Variants in SNX29 observed in about 807,000 individuals in gnomAD.
SNX29 encodes sorting nexin 29, also known as sorting nexin-29.
A neutral mutation model predicts 102.1 loss-of-function variants in SNX29; 78 were observed. That is an observed-to-expected ratio of 0.76 (90% confidence interval 0.64 to 0.92). The LOEUF is 0.92. Ranked by LOEUF, SNX29 falls within the 40% of genes least tolerant of loss-of-function variation. The pLI is 0.00. For missense variants in SNX29, 1,280 were observed against 1,061.7 expected (o/e 1.21, Z -2.86); for synonymous variants, 580 against 414.5 (o/e 1.40, Z -4.85).
At chr16:12,069,506 G>T (rs1361086304) in intron 10 of SNX29, among the ~76,000 whole-genome samples, 2 of 152,128 alleles carry the variant, frequency 1.3e-5, no homozygotes, top group African/African-American at 4.8e-5. Flanking sequence ...GACCTCAGGT[G>T]ATCTGCCCAC....
intron 2 of SNX29, 132 bp downstream of exon 2, chr16:11,999,490 C>A (rs192432830): frequency 2.3e-6 from 2 of 880,198 alleles, no homozygotes; most frequent in Admixed American, 2.6e-5. Context: ...GTGATCTACT[C>A]ATTTTTCCCA....
intron 13 of SNX29, among the ~76,000 whole-genome samples, chr16:12,196,614 T>C (rs2076779706): frequency 1.6e-5 from 2 of 121,768 alleles, no homozygotes; most frequent in Admixed American, 1.9e-4. Context: ...TTTTCTTTTT[T>C]CTTTTTTCTT....
chr16:12,008,922 A>G (rs936192254), intron 3 of SNX29, among the ~76,000 whole-genome samples: 3 of 151,588 alleles, frequency 2.0e-5, no homozygotes, highest in South Asian at 2.1e-4. Flanking sequence ...TTGTATTTTT[A>G]GTAGAGACGG....
intron 20 of SNX29, chr16:12,557,262 G>A (rs140289424): frequency 1.1e-4 from 17 of 152,448 alleles, no homozygotes; most frequent in African/African-American, 3.8e-4. Context: ...GGAAAGATAA[G>A]TGGGGAGTGC....
At chr16:12,398,969 G>C (rs1461726487) in intron 17 of SNX29, among the ~76,000 whole-genome samples, 1 of 152,174 alleles carries the variant, frequency 6.6e-6, no homozygotes, top group Non-Finnish European at 1.5e-5. Flanking sequence ...AACAACAGTA[G>C]TCCATGCCTT....
In SNX29 at chr16:12,176,249, A is replaced by G. The variant is rs75354096; in HGVS notation, c.1596-23352A>G. On this transcript the variant is annotated intron_variant, in intron 13 of 20. Transcript: ENST00000566228. ...GGTATTTTGTTATGGCAGCCCTGGC[A>G]GACTGATAGACATTAGTGATGTCTC... 6.7e-3 allele frequency among the ~76,000 whole-genome samples: 1,026 copies of G among 152,334 alleles called. 10 individuals carry two copies. The highest frequency in any genetic ancestry group is 0.024 in the African/African-American group (991 of 41,568).
intron 14 of SNX29, among the ~76,000 whole-genome samples, chr16:12,269,433 AT>A (rs2142592874): frequency 6.6e-6 from 1 of 152,326 alleles, no homozygotes; most frequent in African/African-American, 2.4e-5. Context: ...TGCTATGTAA[AT>A]TGAAGCAGTA....
At chr16:12,486,199 T>C (rs1287435903) in intron 19 of SNX29, among the ~76,000 whole-genome samples, 1 of 152,206 alleles carries the variant, frequency 6.6e-6, no homozygotes, top group East Asian at 1.9e-4. Context: ...CATTCTTCTG[T>C]TCTCAGATCT....
chr16:12,565,164 C>A (rs190108509), intron 20 of SNX29, among the ~76,000 whole-genome samples: 2 of 152,242 alleles, frequency 1.3e-5, no homozygotes, highest in East Asian at 1.9e-4. Flanking sequence ...TTACATACTC[C>A]CAGTCCTACC....
intron 20 of SNX29, among the ~76,000 whole-genome samples, chr16:12,549,226 T>G (rs549968873): frequency 6.6e-6 from 1 of 152,350 alleles, no homozygotes; most frequent in Admixed American, 6.5e-5. Flanking sequence ...CCAGCCATGG[T>G]GGCTCATCCC....
In SNX29 at chr16:12,356,233, C is replaced by G. The variant is rs369711750; in HGVS notation, c.1853C>G (p.Ala618Gly). 2 of 1,612,882 alleles carry G rather than the reference C, an allele frequency of 1.2e-6. No homozygotes were observed. The highest frequency in any genetic ancestry group is 8.5e-7 in the Non-Finnish European group (1 of 1,179,546). ...RLHRALVAKE[A>G]LVSQMRQELI... ...CACAGGGCCCTGGTAGCCAAGGAAG[C>G]CCTCGTGTCCCAGATGAGGCAGGAG... The change falls in exon 16 of 21, where the codon GCC becomes GGC. Residue 618 changes from alanine (A) to glycine (G), a missense_variant. Physicochemically the swap from Ala to Gly is moderately conservative, Grantham distance 60 (BLOSUM62 0). Coordinates refer to ENST00000566228, the MANE Select transcript of SNX29 (RefSeq NM_032167.5).
chr16:12,539,307 TCCC>T lies in SNX29; in HGVS notation c.2318+14469_2318+14471del. Among the ~76,000 whole-genome samples the T allele has an allele frequency of 2.7e-5, 4 of 150,756 alleles. No homozygotes were observed. In the Middle Eastern group the frequency reaches 0.014, roughly 520 times the overall value. ...TCCCCCACCTCTAAGCCCTTGTCCCTCCCCCTCTAGTTTTGTCTTTTCAAGAAT... is the reference window on the plus strand; with the variant it reads ...TCCCCCACCTCTAAGCCCTTGTCCCTCCTCTAGTTTTGTCTTTTCAAGAAT... On this transcript the variant is annotated intron_variant, in intron 20 of 20. Coordinates refer to ENST00000566228, the MANE Select transcript of SNX29 (RefSeq NM_032167.5).
chr16:12,102,245 A>G (rs1052846968), intron 11 of SNX29, among the ~76,000 whole-genome samples: 1 of 152,150 alleles, frequency 6.6e-6, no homozygotes, highest in African/African-American at 2.4e-5. Flanking sequence ...ATGTGTCTTT[A>G]TAGTAGCATG....
chr16:12,088,006 G>A (rs74984128), intron 11 of SNX29: 1 of 456,660 alleles, frequency 2.2e-6, no homozygotes, highest in South Asian at 1.5e-5. Flanking sequence ...TGGTCCTTTG[G>A]GGGGTATGAG....
Position 12,406,823 on chromosome 16 carries a change from C to T in SNX29, c.2037+3294C>T, listed in dbSNP as rs568003755. On this transcript the variant is annotated intron_variant, in intron 18 of 20. Transcript: ENST00000566228. ...ACTTGGGAGGCTGAGACAGGACAATCGCTTGAACCTGGGAGGCAGAGGTTG... is the reference window on the plus strand; with the variant it reads ...ACTTGGGAGGCTGAGACAGGACAATTGCTTGAACCTGGGAGGCAGAGGTTG... Among the ~76,000 whole-genome samples the T allele has an allele frequency of 2.6e-5, 4 of 152,250 alleles. No homozygotes were observed. The East Asian group carries it at 7.7e-4, about 29-fold the overall frequency.
At chr16:12,473,432 G>C (rs2087450251) in intron 18 of SNX29, among the ~76,000 whole-genome samples, 1 of 152,192 alleles carries the variant, frequency 6.6e-6, no homozygotes, top group African/African-American at 2.4e-5. Context: ...CTGGGCTTCA[G>C]GGGAACGAGG....
chr16:12,279,392 G>A (rs73506123), intron 15 of SNX29, among the ~76,000 whole-genome samples: 6,526 of 152,296 alleles, frequency 0.043, 491 homozygotes, highest in African/African-American at 0.15. Flanking sequence ...TTCTAACTCA[G>A]GTGAGCTCAA....
At chr16:12,491,703 C>T (rs1190287927) in intron 19 of SNX29, among the ~76,000 whole-genome samples, 11 of 152,006 alleles carry the variant, frequency 7.2e-5, no homozygotes, top group South Asian at 2.1e-4. Flanking sequence ...CAACAGTCCC[C>T]GGTGTGTGAT....
intron 20 of SNX29, chr16:12,545,676 C>T (rs548501937): frequency 2.0e-5 from 3 of 152,326 alleles, no homozygotes; most frequent in Non-Finnish European, 2.9e-5. Context: ...TTCTAGGCTC[C>T]AGGTTAAGGG....
Sources: allele counts gnomAD v4.1 joint callset (sites outside exome capture counted in the v4.1 genomes callset), GRCh38; gene constraint gnomAD v4.1.1; transcripts MANE v1.5; gene names NCBI Gene and HGNC (gene_info 2026-07-23, HGNC 2026-07-21).